ADAM32: variants seen among roughly 807,000 people sequenced by gnomAD.
ADAM32 encodes the protein disintegrin and metalloproteinase domain-containing protein 32.
Under a neutral mutation model 114.9 loss-of-function variants are expected in ADAM32, and 89 were observed. The ratio of observed to expected loss-of-function variants is 0.77; its 90% CI spans 0.65 to 0.92. The LOEUF (loss-of-function observed/expected upper bound fraction) is 0.92, where lower values mean the gene tolerates loss of function less well. ADAM32 is among the 40% of genes least tolerant of loss of function. The probability of loss-of-function intolerance (pLI) is 0.00; values close to 1 mark genes in which losing one functional copy is unlikely to be tolerated. For synonymous variants in ADAM32, 285 were observed against 307.5 expected (o/e 0.93, Z 0.77); for missense variants, 870 against 932.8 (o/e 0.93, Z 0.88).
At chr8:39,255,437 G>T (rs1191485472) in intron 18 of ADAM32, among the ~76,000 whole-genome samples, 2 of 151,974 alleles carry the variant, frequency 1.3e-5, no homozygotes, top group Non-Finnish European at 2.9e-5. Flanking sequence ...GGAGTAAGGT[G>T]GTATTGCATT....
chr8:39,156,559 T>A (rs139348133), intron 6 of ADAM32, among the ~76,000 whole-genome samples: 109 of 152,390 alleles, frequency 7.2e-4, no homozygotes, highest in African/African-American at 2.5e-3. Flanking sequence ...GGACTACCTT[T>A]GGCATTTCTT....
At chr8:39,278,524 A>T (rs1813228800) in intron 22 of ADAM32, among the ~76,000 whole-genome samples, 1 of 152,168 alleles carries the variant, frequency 6.6e-6, no homozygotes, top group Non-Finnish European at 1.5e-5. Flanking sequence ...TTTCCTAAGC[A>T]ACAGAAGAAT....
chr8:39,124,969 G>T (rs578137574), intron 2 of ADAM32, among the ~76,000 whole-genome samples: 1 of 152,120 alleles, frequency 6.6e-6, no homozygotes. Flanking sequence ...CCCCAACAGT[G>T]TAAAAGTGTT....
At chr8:39,191,752 T>C (rs1444521268) in intron 11 of ADAM32, among the ~76,000 whole-genome samples, 1 of 152,160 alleles carries the variant, frequency 6.6e-6, no homozygotes, top group Admixed American at 6.6e-5. Context: ...TCTTTAGTTT[T>C]AATCAGATCT....
intron 11 of ADAM32, among the ~76,000 whole-genome samples, chr8:39,189,154 A>G (rs1411545796): frequency 6.6e-6 from 1 of 152,166 alleles, no homozygotes; most frequent in African/African-American, 2.4e-5. Flanking sequence ...AGCCTCACCT[A>G]TCTATGAGGT....
intron 14 of ADAM32, among the ~76,000 whole-genome samples, chr8:39,226,937 A>T (rs1273053798): frequency 6.6e-6 from 1 of 152,218 alleles, no homozygotes; most frequent in Non-Finnish European, 1.5e-5. Context: ...TGAAATAATT[A>T]TTACTATAAT....
At chr8:39,126,666 T>C (rs1802136687) in intron 2 of ADAM32, among the ~76,000 whole-genome samples, 1 of 152,172 alleles carries the variant, frequency 6.6e-6, no homozygotes, top group Admixed American at 6.6e-5. Flanking sequence ...CCTTTATTTG[T>C]TTCTCTTGCC....
At chr8:39,204,794 A>G (rs1749800475) in intron 11 of ADAM32, among the ~76,000 whole-genome samples, 1 of 152,230 alleles carries the variant, frequency 6.6e-6, no homozygotes, top group Non-Finnish European at 1.5e-5. Context: ...GGTGACGTAC[A>G]GATGGGGTTT....
At chr8:39,230,089 A>G (rs928377485) in intron 14 of ADAM32, among the ~76,000 whole-genome samples, 8 of 152,158 alleles carry the variant, frequency 5.3e-5, no homozygotes, top group African/African-American at 1.9e-4. Flanking sequence ...ATTTTAATGC[A>G]CGTCAAAGCA....
At chr8:39,258,527 A>G (rs548004519) in intron 19 of ADAM32, among the ~76,000 whole-genome samples, 125 of 152,210 alleles carry the variant, frequency 8.2e-4, no homozygotes, top group Non-Finnish European at 1.4e-3. Context: ...TTTCAATTAT[A>G]TGATTTATTT....
chr8:39,283,287 G>A (rs1480790506), intron 23 of ADAM32, among the ~76,000 whole-genome samples: 3 of 151,812 alleles, frequency 2.0e-5, no homozygotes, highest in African/African-American at 7.3e-5. Context: ...GTGTATGCTT[G>A]TAGCCTTAGA....
intron 20 of ADAM32, 83 bp downstream of exon 20, chr8:39,270,997 T>G (rs1464065242): frequency 7.5e-7 from 1 of 1,325,800 alleles, no homozygotes; most frequent in Non-Finnish European, 1.1e-6. Flanking sequence ...TCCAATTTTT[T>G]TTTGAACATC....
chr8:39,121,544 A>T (rs1003914031), intron 2 of ADAM32, among the ~76,000 whole-genome samples: 5 of 152,124 alleles, frequency 3.3e-5, no homozygotes, highest in African/African-American at 1.2e-4. Flanking sequence ...GCACGTGCAT[A>T]CCTATGTAAC....
At chr8:39,255,735 G>A (rs1225591137) in intron 18 of ADAM32, among the ~76,000 whole-genome samples, 3 of 151,944 alleles carry the variant, frequency 2.0e-5, no homozygotes, top group African/African-American at 7.2e-5. Flanking sequence ...ATTTAATTAA[G>A]TCCCTTCTAT....
chr8:39,212,267 G>A (rs1237636544), intron 12 of ADAM32, among the ~76,000 whole-genome samples: 2 of 152,036 alleles, frequency 1.3e-5, no homozygotes, highest in African/African-American at 4.8e-5. Context: ...ACCTGCCTCG[G>A]CCTCCCAAAG....
intron 16 of ADAM32, among the ~76,000 whole-genome samples, chr8:39,238,365 C>T (rs1415120340): frequency 6.6e-6 from 1 of 152,180 alleles, no homozygotes; most frequent in Non-Finnish European, 1.5e-5. Flanking sequence ...AAGCCCTATC[C>T]CTAAGGGAAG....
Position 39,221,626 on chromosome 8 carries a change from G to A in ADAM32, c.1250G>A (p.Ser417Asn). The A allele has an allele frequency of 6.2e-7, 1 of 1,611,640 alleles. No homozygotes were observed. The highest frequency in any genetic ancestry group is 1.3e-5 in the African/African-American group (1 of 74,988). ...CGTEAQCGPA[S>N]CCDFRTCVLK... ...AATTCATAGCAATGTGGACCTGCAAGCTGTTGTGATTTTCGAACTTGTGTA... is the reference window on the plus strand; with the variant it reads ...AATTCATAGCAATGTGGACCTGCAAACTGTTGTGATTTTCGAACTTGTGTA... Residue 417 changes from serine to asparagine, a missense_variant, in exon 13 of 25, where the codon AGC (serine) becomes AAC (asparagine). By Grantham distance (46) the Ser-to-Asn change is conservative. Transcript: ENST00000379907.
intron 11 of ADAM32, among the ~76,000 whole-genome samples, chr8:39,208,151 T>G (rs1246730534): frequency 6.6e-6 from 1 of 152,170 alleles, no homozygotes; most frequent in Non-Finnish European, 1.5e-5. Flanking sequence ...TTCATATTGT[T>G]TTTCATAATG....
chr8:39,109,565 A>G (rs1254965913), intron 1 of ADAM32, among the ~76,000 whole-genome samples: 1 of 152,164 alleles, frequency 6.6e-6, no homozygotes, highest in Non-Finnish European at 1.5e-5. Flanking sequence ...AAAATAAAAA[A>G]AAAATATTAA....
Sources: gnomAD v4.1 joint callset for allele counts (sites outside exome capture counted in the v4.1 genomes callset) on GRCh38, gnomAD v4.1.1 for gene constraint, MANE v1.5 for transcripts, NCBI Gene and HGNC (gene_info 2026-07-23, HGNC 2026-07-21) for gene names.